NRXN3: variants seen among roughly 807,000 people sequenced by gnomAD.
NRXN3 encodes the protein neurexin III.
In NRXN3, 32 loss-of-function variants were observed where a neutral mutation model predicts 137.6. The observed-to-expected ratio is 0.23, with a 90% CI of 0.18 to 0.31. The LOEUF (loss-of-function observed/expected upper bound fraction) is 0.31, where lower values mean the gene tolerates loss of function less well. Among genes scored for constraint, NRXN3 ranks in the 10% least tolerant of loss-of-function variants. NRXN3 has a pLI of 1.00. For missense variants in NRXN3, 1,574 were observed against 2,062.5 expected, an observed-to-expected ratio of 0.76 and a Z score of 4.59; for synonymous variants, 798 against 784.5, an observed-to-expected ratio of 1.02 and a Z score of -0.29.
chr14:78,174,997 C>T (rs1005927451), intron 1 of NRXN3, among the ~76,000 whole-genome samples: 8 of 152,244 alleles, frequency 5.3e-5, no homozygotes, highest in South Asian at 2.1e-4. Flanking sequence ...ACCTCTTGGG[C>T]GGCTCGGCCT....
chr14:78,828,484 C>A (rs1240274595), intron 10 of NRXN3, among the ~76,000 whole-genome samples: 1 of 152,220 alleles, frequency 6.6e-6, no homozygotes, highest in Non-Finnish European at 1.5e-5. Flanking sequence ...GTCACAACTA[C>A]TCCATTGTGC....
intron 15 of NRXN3, among the ~76,000 whole-genome samples, chr14:79,094,486 T>C (rs191834664): frequency 1.3e-5 from 2 of 152,354 alleles, no homozygotes; most frequent in East Asian, 3.9e-4. Flanking sequence ...ATGGAATACA[T>C]GCCTCTTACT....
chr14:79,189,481 T>TA (rs1443922676), intron 15 of NRXN3, among the ~76,000 whole-genome samples: 1 of 152,006 alleles, frequency 6.6e-6, no homozygotes, highest in Non-Finnish European at 1.5e-5. Context: ...GGCACATGGT[T>TA]ACATGTGTAA....
chr14:78,692,536 A>T (rs569242599), intron 6 of NRXN3, among the ~76,000 whole-genome samples: 4 of 152,160 alleles, frequency 2.6e-5, no homozygotes, highest in Non-Finnish European at 5.9e-5. Flanking sequence ...GTGGTTGAAT[A>T]AAGGTTATTT....
intron 15 of NRXN3, among the ~76,000 whole-genome samples, chr14:79,206,800 C>A (rs1158343498): frequency 6.6e-6 from 1 of 151,900 alleles, no homozygotes; most frequent in Non-Finnish European, 1.5e-5. Flanking sequence ...GCACACATAC[C>A]AATATTAGGC....
At chr14:79,489,711 C>G (rs1328117823) in intron 16 of NRXN3, among the ~76,000 whole-genome samples, 1 of 151,938 alleles carries the variant, frequency 6.6e-6, no homozygotes, top group African/African-American at 2.4e-5. Context: ...GGAAGAAAAC[C>G]CTTCACCAGA....
intron 15 of NRXN3, among the ~76,000 whole-genome samples, chr14:79,409,626 T>C (rs1458733106): frequency 6.9e-6 from 1 of 145,504 alleles, no homozygotes; most frequent in African/African-American, 2.5e-5. Context: ...TCTATATATA[T>C]ATATATATAT....
chr14:78,666,935 T>G (rs143406281), intron 6 of NRXN3, among the ~76,000 whole-genome samples: 67 of 152,306 alleles, frequency 4.4e-4, no homozygotes, highest in African/African-American at 1.5e-3. Context: ...TCCCTAAATT[T>G]AACCAGAGTA....
intron 10 of NRXN3, among the ~76,000 whole-genome samples, chr14:78,880,689 T>A (rs913780319): frequency 4.6e-5 from 7 of 152,136 alleles, no homozygotes; most frequent in Non-Finnish European, 1.0e-4. Context: ...GGAATATATA[T>A]GTATATATGT....
chr14:79,818,244 G>A (rs1435104999), intron 20 of NRXN3, among the ~76,000 whole-genome samples: 2 of 151,910 alleles, frequency 1.3e-5, no homozygotes, highest in Non-Finnish European at 2.9e-5. Context: ...TAGTAGAGAC[G>A]GGGTTTCACC....
At chr14:78,532,375 TTGTGTGTGTGTGTG>T (rs56788209) in intron 4 of NRXN3, among the ~76,000 whole-genome samples, 24 of 138,654 alleles carry the variant, frequency 1.7e-4, no homozygotes, top group South Asian at 9.7e-4. Flanking sequence ...TGATGATATT[TTGTGTGTGTGTGTG>T]TGTGTGTGTG....
At chr14:79,766,208 G>C (rs1018626987) in intron 19 of NRXN3, among the ~76,000 whole-genome samples, 3 of 151,924 alleles carry the variant, frequency 2.0e-5, no homozygotes, top group African/African-American at 7.3e-5. Flanking sequence ...TTAGATAAAA[G>C]GTTTCATATG....
chr14:79,152,426 C>T (rs1428579194), intron 15 of NRXN3, among the ~76,000 whole-genome samples: 1 of 151,914 alleles, frequency 6.6e-6, no homozygotes, highest in Non-Finnish European at 1.5e-5. Flanking sequence ...TACGCTACTC[C>T]CCACCATTGA....
At chr14:79,139,906 T>A (rs989948924) in intron 15 of NRXN3, among the ~76,000 whole-genome samples, 4 of 144,518 alleles carry the variant, frequency 2.8e-5, no homozygotes, top group Admixed American at 1.5e-4. Context: ...AAATGGCATA[T>A]GCATATATAT....
intron 8 of NRXN3, among the ~76,000 whole-genome samples, chr14:78,791,787 A>G (rs2098805759): frequency 6.6e-6 from 1 of 152,164 alleles, no homozygotes; most frequent in Non-Finnish European, 1.5e-5. Flanking sequence ...CCAGATAGCT[A>G]AATGAAGCTT....
At chr14:79,846,452 C>T (rs754127211) in intron 20 of NRXN3, among the ~76,000 whole-genome samples, 1 of 152,140 alleles carries the variant, frequency 6.6e-6, no homozygotes, top group Non-Finnish European at 1.5e-5. Flanking sequence ...CAGCCTCAAA[C>T]CCAACACTTA....
intron 15 of NRXN3, among the ~76,000 whole-genome samples, chr14:79,401,943 G>T (rs1211386026): frequency 6.6e-6 from 1 of 151,656 alleles, no homozygotes; most frequent in African/African-American, 2.4e-5. Flanking sequence ...TTTAGACAGG[G>T]TCTTGCTCTG....
At chr14:78,312,845 T>G (rs1270242823) in intron 4 of NRXN3, among the ~76,000 whole-genome samples, 1 of 152,238 alleles carries the variant, frequency 6.6e-6, no homozygotes, top group African/African-American at 2.4e-5. Flanking sequence ...ATAGATAAAA[T>G]GCATGAGCAC....
chr14:79,213,848 A>G (rs917404395), intron 15 of NRXN3, among the ~76,000 whole-genome samples: 1 of 152,180 alleles, frequency 6.6e-6, no homozygotes, highest in Non-Finnish European at 1.5e-5. Flanking sequence ...TGTGATGGCC[A>G]TAATGTAAAG....
Sources: gnomAD v4.1 joint callset for allele counts (sites outside exome capture counted in the v4.1 genomes callset) on GRCh38, gnomAD v4.1.1 for gene constraint, MANE v1.5 for transcripts, NCBI Gene and HGNC (gene_info 2026-07-23, HGNC 2026-07-21) for gene names.